The following LTBP2 variants were observed in gnomAD, a reference collection of about 807,000 sequenced individuals.
LTBP2 encodes the protein latent transforming growth factor beta binding protein 2.
Under a neutral mutation model 210.6 loss-of-function variants are expected in LTBP2, and 103 were observed. The ratio of observed to expected loss-of-function variants is 0.49; its 90% confidence interval spans 0.42 to 0.58. The LOEUF is 0.58. LTBP2 is among the 20% of genes least tolerant of loss of function. LTBP2 has a pLI of 0.00. For missense variants in LTBP2, 2,313 were observed against 2,494.5 expected (o/e 0.93, Z 1.55); for synonymous variants, 1,007 against 1,015.0 (o/e 0.99, Z 0.15).
At chr14:74,595,133 C>T (rs1179694520) in intron 2 of LTBP2, among the ~76,000 whole-genome samples, 1 of 152,274 alleles carries the variant, frequency 6.6e-6, no homozygotes, top group Non-Finnish European at 1.5e-5. Flanking sequence ...CCAAGCGGGC[C>T]TCTACCGTTT....
intron 3 of LTBP2, among the ~76,000 whole-genome samples, chr14:74,564,331 TTATATA>T (rs1284569432): frequency 4.0e-4 from 2 of 5,022 alleles, no homozygotes; most frequent in East Asian, 4.7e-3. Context: ...ATATATATAT[TTATATA>T]TATATATTTA....
chr14:74,588,669 T>C (rs936363367), intron 2 of LTBP2, among the ~76,000 whole-genome samples: 15 of 152,216 alleles, frequency 9.9e-5, no homozygotes, highest in African/African-American at 3.6e-4. Flanking sequence ...ATTTTTATTA[T>C]GGCAGATACT....
intron 28 of LTBP2, 39 bp downstream of exon 28, chr14:74,506,009 C>G (rs751092120): frequency 1.3e-5 from 21 of 1,613,412 alleles, no homozygotes; most frequent in Non-Finnish European, 1.6e-5. Flanking sequence ...CTCTGTAAAC[C>G]TCTGAGTCAC....
At chr14:74,604,173 A>AAAAAC (rs1555354151) in intron 1 of LTBP2, among the ~76,000 whole-genome samples, 4 of 151,088 alleles carry the variant, frequency 2.6e-5, no homozygotes, top group African/African-American at 9.8e-5. Context: ...CCAAAAAAAA[A>AAAAAC]AAAAAAAAAA....
At chr14:74,546,003 T>C (rs952018189) in intron 8 of LTBP2, among the ~76,000 whole-genome samples, 2 of 152,180 alleles carry the variant, frequency 1.3e-5, no homozygotes, top group African/African-American at 2.4e-5. Context: ...GCAGTCCTTT[T>C]CCATGTCAGG....
At chr14:74,551,388 G>A (rs749908239) in intron 6 of LTBP2, 38 bp from the exon 7 acceptor site, 1 of 1,511,748 alleles carries the variant, frequency 6.6e-7, no homozygotes, top group East Asian at 2.3e-5. Context: ...AGGGAAGCAG[G>A]GCCCCACCCT....
At chr14:74,583,243 A>G (rs752126781) in intron 3 of LTBP2, among the ~76,000 whole-genome samples, 16 of 151,348 alleles carry the variant, frequency 1.1e-4, no homozygotes, top group Admixed American at 2.6e-4. Context: ...TCCCTCCCCA[A>G]CTCCTAGAAT....
chr14:74,553,280 A>G (rs1340773097), intron 4 of LTBP2, among the ~76,000 whole-genome samples: 4 of 152,076 alleles, frequency 2.6e-5, no homozygotes, highest in Admixed American at 1.3e-4. Flanking sequence ...ATGCACATCA[A>G]CCCTCTTGAG....
rs1206848563 is a variant in LTBP2 at position 74,611,803 on chromosome 14, C to T, written c.142G>A (p.Gly48Arg). The T allele has an allele frequency of 1.2e-6, 2 of 1,611,490 alleles. No individual in the cohort carries two copies. The highest frequency in any genetic ancestry group is 3.3e-5 in the Admixed American group (2 of 59,998). The part of the protein sequence containing the change: ...DPVGRYEPAG[G>R]DANRLRRPGG... Reference sequence around the variant, plus strand: ...GGGCGCCGCAGTCGATTCGCGTCTCCACCAGCCGGCTCGTATCTCCCTACG... The same window carrying T: ...GGGCGCCGCAGTCGATTCGCGTCTCTACCAGCCGGCTCGTATCTCCCTACG... The change falls in exon 1 of 36, where the codon GGA (glycine) becomes AGA (arginine). Residue 48 changes from glycine (G) to arginine (R), a missense_variant. Around this residue, in one of 3 missense-constraint regions of LTBP2, gnomAD observed 1,867 missense variants for 1,976.9 expected, o/e 0.94. Coordinates refer to ENST00000261978, the MANE Select transcript of LTBP2 (RefSeq NM_000428.3).
chr14:74,606,589 C>A (rs1265349696), intron 1 of LTBP2, among the ~76,000 whole-genome samples: 2 of 152,208 alleles, frequency 1.3e-5, no homozygotes. Flanking sequence ...TGGCTCACAC[C>A]TGTAATCCCA....
intron 2 of LTBP2, among the ~76,000 whole-genome samples, chr14:74,587,584 G>A (rs1213148769): frequency 1.3e-5 from 2 of 151,746 alleles, no homozygotes; most frequent in Non-Finnish European, 2.9e-5. Context: ...TGGCATACTC[G>A]AGAAGCCGCC....
Position 74,565,863 on chromosome 14 carries a change from T to C in LTBP2, c.831-10170A>G, listed in dbSNP as rs115901671. 7.8e-3 allele frequency among the ~76,000 whole-genome samples: 1,184 copies of C among 152,286 alleles called. 14 individuals carry two copies. The highest frequency in any genetic ancestry group is 0.027 in the African/African-American group (1,136 of 41,552). ...TCCAATTTAAAAGGGGAAAATGTAATAATGAACAGAATGGTCTCAGTTCTA... is the reference window on the plus strand; with the variant it reads ...TCCAATTTAAAAGGGGAAAATGTAACAATGAACAGAATGGTCTCAGTTCTA... On this transcript the variant is annotated intron_variant, in intron 3 of 35. Transcript: ENST00000261978.
intron 3 of LTBP2, among the ~76,000 whole-genome samples, chr14:74,567,241 G>A (rs1314591419): frequency 6.6e-6 from 1 of 152,206 alleles, no homozygotes; most frequent in Admixed American, 6.5e-5. Context: ...ACTCCTAGGA[G>A]CCACATCTCT....
At chr14:74,552,001 G>A (rs1049450943) in intron 6 of LTBP2, among the ~76,000 whole-genome samples, 186 bp downstream of exon 6, 5 of 152,124 alleles carry the variant, frequency 3.3e-5, no homozygotes, top group African/African-American at 4.8e-5. Flanking sequence ...GATAAATTCC[G>A]ATGGGAGGGG....
chr14:74,507,107 C>T (rs2087001827), intron 26 of LTBP2, 72 bp downstream of exon 26: 2 of 1,611,866 alleles, frequency 1.2e-6, no homozygotes, highest in African/African-American at 1.3e-5. Context: ...AGGAGAAAAT[C>T]ATGTCTCGCT....
chr14:74,510,178 G>A lies in LTBP2; in HGVS notation c.3064C>T (p.His1022Tyr), dbSNP rs779713810. The change falls in exon 20 of 36, where the codon CAT (histidine) becomes TAT (tyrosine). Residue 1022 changes from histidine to tyrosine, a missense_variant. His to Tyr is a moderately conservative substitution (Grantham distance 83). Coordinates refer to ENST00000261978, the MANE Select transcript of LTBP2 (RefSeq NM_000428.3). ...CCTTCTAGGTTGGTGCACTTTCCATGGGCACAGACCCCGGGAGTCAGACAC... is the reference window on the plus strand; with the variant it reads ...CCTTCTAGGTTGGTGCACTTTCCATAGGCACAGACCCCGGGAGTCAGACAC... ...NECLTPGVCA[H>Y]GKCTNLEGSF... 1.9e-6 allele frequency: 3 copies of A among 1,613,932 alleles called. No homozygotes were observed. Among genetic ancestry groups the A allele is most frequent in the African/African-American group, 1.3e-5 (1 of 74,938 alleles).
At chr14:74,506,558 T>C (rs2086987662) in intron 27 of LTBP2, 140 bp downstream of exon 27, 1 of 1,372,682 alleles carries the variant, frequency 7.3e-7, no homozygotes, top group Non-Finnish European at 1.0e-6. Flanking sequence ...GGAGTTGAAG[T>C]CTCCCTCTTC....
intron 3 of LTBP2, among the ~76,000 whole-genome samples, chr14:74,558,009 C>T (rs2087750327): frequency 6.6e-6 from 1 of 152,210 alleles, no homozygotes; most frequent in African/African-American, 2.4e-5. Context: ...TGGGATAAGG[C>T]CCTGGGATTC....
chr14:74,542,459 G>A (rs577123427), intron 8 of LTBP2, among the ~76,000 whole-genome samples: 49 of 152,340 alleles, frequency 3.2e-4, no homozygotes, highest in South Asian at 1.0e-3. Flanking sequence ...TTTACAAGCT[G>A]TGCCAATCTC....
Sources: gnomAD v4.1 joint callset for allele counts (sites outside exome capture counted in the v4.1 genomes callset) on GRCh38, gnomAD v4.1.1 for gene constraint, gnomAD v4.1.1 regional missense constraint, MANE v1.5 for transcripts, NCBI Gene and HGNC (gene_info 2026-07-23, HGNC 2026-07-21) for gene names.